The following SLCO5A1 variants were observed in gnomAD, a reference collection of about 807,000 sequenced individuals.
SLCO5A1 encodes the protein solute carrier organic anion transporter family member 5A1.
SLCO5A1 carries 39 observed loss-of-function variants against 65.1 expected under a neutral mutation model. The observed-to-expected ratio is 0.60, with a 90% CI of 0.46 to 0.78. The LOEUF (loss-of-function observed/expected upper bound fraction) is 0.78, where lower values mean the gene tolerates loss of function less well. Ranked by LOEUF, SLCO5A1 falls within the 30% of genes least tolerant of loss-of-function variation. The pLI is 0.00. For missense variants in SLCO5A1, 1,029 were observed against 1,069.4 expected (o/e 0.96, Z 0.53); for synonymous variants, 438 against 415.7 (o/e 1.05, Z -0.65).
At position 69,826,663 on chromosome 8, in the gene SLCO5A1, A is replaced by AAC. The variant is rs1242691348; in HGVS notation, c.907+5103_907+5104insGT. Among the ~76,000 whole-genome samples the AAC allele has an allele frequency of 1.3e-5, 2 of 152,210 alleles. 1 individual carries two copies. The highest frequency in any genetic ancestry group is 2.9e-5 in the Non-Finnish European group (2 of 68,036). On this transcript the variant is annotated intron_variant, in intron 2 of 9. Transcript: ENST00000260126. The stretch of plus-strand genomic sequence containing the variant: ...CTGGAGAGGATGTGGAGAAATAGGA[A>AAC]CACTTTTACACTGTTGGTGGGACTA...
chr8:69,814,610 A>G (rs1820331258), intron 2 of SLCO5A1, among the ~76,000 whole-genome samples: 1 of 152,196 alleles, frequency 6.6e-6, no homozygotes, highest in Admixed American at 6.5e-5. Flanking sequence ...TTCTCAAAGA[A>G]CTAAAAATAG....
chr8:69,810,965 T>A (rs1385773702), intron 2 of SLCO5A1, among the ~76,000 whole-genome samples: 1 of 152,146 alleles, frequency 6.6e-6, no homozygotes, highest in Non-Finnish European at 1.5e-5. Flanking sequence ...TGTGCCTCTA[T>A]GAGAGAAGTT....
intron 5 of SLCO5A1, among the ~76,000 whole-genome samples, chr8:69,729,478 C>T (rs1051829047): frequency 7.2e-5 from 9 of 125,468 alleles, no homozygotes; most frequent in Non-Finnish European, 1.4e-4. Flanking sequence ...AAAAAGATAA[C>T]TGCAATGGAG....
intron 2 of SLCO5A1, among the ~76,000 whole-genome samples, chr8:69,816,277 A>G (rs1444547096): frequency 6.6e-6 from 1 of 152,186 alleles, no homozygotes; most frequent in African/African-American, 2.4e-5. Flanking sequence ...AGTTGTGACA[A>G]TAAAAATTAC....
At chr8:69,818,436 T>C (rs750256931) in intron 2 of SLCO5A1, among the ~76,000 whole-genome samples, 24 of 152,156 alleles carry the variant, frequency 1.6e-4, no homozygotes, top group Non-Finnish European at 1.5e-4. Context: ...AGAATCTGCA[T>C]CTTGACAAGA....
chr8:69,826,524 G>A (rs1390829620), intron 2 of SLCO5A1, among the ~76,000 whole-genome samples: 3 of 152,168 alleles, frequency 2.0e-5, no homozygotes, highest in Non-Finnish European at 2.9e-5. Context: ...AAAAACACAC[G>A]AAAAAATGCT....
At chr8:69,677,356 G>A (rs1026060507) in intron 8 of SLCO5A1, among the ~76,000 whole-genome samples, 6 of 152,100 alleles carry the variant, frequency 3.9e-5, no homozygotes, top group Admixed American at 1.3e-4. Flanking sequence ...GCCAACTGGC[G>A]ATTTGCCATT....
At chr8:69,684,041 C>A (rs558779878) in intron 6 of SLCO5A1, among the ~76,000 whole-genome samples, 197 of 152,234 alleles carry the variant, frequency 1.3e-3, no homozygotes, top group African/African-American at 4.5e-3. Flanking sequence ...AAAGTCTTAT[C>A]AAGAAATCCT....
chr8:69,833,061 G>T lies in SLCO5A1; in HGVS notation c.-388C>A, dbSNP rs985111252. 20 of 236,100 alleles carry T rather than the reference G, an allele frequency of 8.5e-5. No homozygotes were observed. The highest frequency in any genetic ancestry group is 2.3e-4 in the African/African-American group (10 of 42,856). 14.6% of individuals were successfully genotyped at this position (236,100 alleles called of 1,614,324 possible). A position where few individuals can be genotyped will look rare whatever the true frequency, so the allele number is the denominator to read the frequency against. ...AGCGAGTGCACCCTGCGCCGGGGGT[G>T]GGGGGGCACTTAGCGCTGCTGTCCG... On this transcript the variant is annotated 5_prime_UTR_variant, in exon 2 of 10. Coordinates refer to ENST00000260126, the MANE Select transcript of SLCO5A1 (RefSeq NM_030958.3).
chr8:69,829,364 G>T (rs956142487), intron 2 of SLCO5A1, among the ~76,000 whole-genome samples: 24 of 152,170 alleles, frequency 1.6e-4, no homozygotes, highest in Admixed American at 1.6e-3. Flanking sequence ...CCTTCAAAAA[G>T]TCTATGCCAT....
intron 5 of SLCO5A1, among the ~76,000 whole-genome samples, chr8:69,736,085 G>A (rs1447202160): frequency 6.6e-6 from 1 of 152,224 alleles, no homozygotes; most frequent in Non-Finnish European, 1.5e-5. Context: ...AGTTGCTGAT[G>A]ACAAAATCAG....
chr8:69,829,909 C>T (rs73684315), intron 2 of SLCO5A1, among the ~76,000 whole-genome samples: 2,098 of 152,258 alleles, frequency 0.014, 44 homozygotes, highest in African/African-American at 0.047. Context: ...TATATACACT[C>T]ACACACAGGT....
chr8:69,716,863 G>A lies in SLCO5A1; in HGVS notation c.1424-11634C>T, dbSNP rs113576334. On this transcript the variant is annotated intron_variant, in intron 5 of 9. Coordinates refer to ENST00000260126, the MANE Select transcript of SLCO5A1 (RefSeq NM_030958.3). ...GGCACAGCCATGGCTCACTGTAGTC[G>A]CAATCTCCCAGGTCCAAGCAATTCT... Among the ~76,000 whole-genome samples the A allele has an allele frequency of 8.5e-3, 1,286 of 150,450 alleles. 18 individuals carry two copies. The highest frequency in any genetic ancestry group is 0.03 in the African/African-American group (1,214 of 40,836).
intron 2 of SLCO5A1, among the ~76,000 whole-genome samples, chr8:69,830,679 A>G (rs1487264978): frequency 6.6e-6 from 1 of 152,114 alleles, no homozygotes; most frequent in Non-Finnish European, 1.5e-5. Context: ...AACAACCTCA[A>G]ATTTCTAGGA....
At chr8:69,686,231 C>CAAAAAA (rs3060023) in intron 6 of SLCO5A1, among the ~76,000 whole-genome samples, 17 of 141,742 alleles carry the variant, frequency 1.2e-4, no homozygotes, top group Non-Finnish European at 2.1e-4. Context: ...CTTCACACAG[C>CAAAAAA]AAAAAAAAGA....
intron 5 of SLCO5A1, among the ~76,000 whole-genome samples, chr8:69,726,382 G>T (rs1465185458): frequency 5.3e-5 from 8 of 151,808 alleles, no homozygotes; most frequent in Admixed American, 5.2e-4. Context: ...TAAAGCAATT[G>T]TATTTTTATC....
intron 2 of SLCO5A1, among the ~76,000 whole-genome samples, chr8:69,763,504 A>G (rs970089926): frequency 3.3e-5 from 5 of 150,788 alleles, no homozygotes; most frequent in Non-Finnish European, 5.9e-5. Context: ...AATCCCAGCT[A>G]TGCTGGGTGG....
At chr8:69,738,003 A>T (rs759469741) in intron 5 of SLCO5A1, 37 bp downstream of exon 5, 1 of 1,595,108 alleles carries the variant, frequency 6.3e-7, no homozygotes, top group African/African-American at 1.3e-5. Flanking sequence ...GGTCAAAATG[A>T]TCATGTTTTC....
chr8:69,705,631 A>T (rs1236540942), intron 5 of SLCO5A1, among the ~76,000 whole-genome samples: 2 of 152,216 alleles, frequency 1.3e-5, no homozygotes, highest in Non-Finnish European at 2.9e-5. Flanking sequence ...AGTTACCCTA[A>T]ATACCCCAAT....
Sources: gnomAD v4.1 joint callset for allele counts (sites outside exome capture counted in the v4.1 genomes callset) on GRCh38, gnomAD v4.1.1 for gene constraint, MANE v1.5 for transcripts, NCBI Gene and HGNC (gene_info 2026-07-23, HGNC 2026-07-21) for gene names.